The following CABIN1 variants were observed in gnomAD, a reference collection of about 807,000 sequenced individuals.
CABIN1 encodes calcineurin-binding protein cabin-1.
CABIN1 carries 133 observed loss-of-function variants against 227.7 expected under a neutral mutation model. That is an observed-to-expected ratio of 0.58 (90% CI 0.51 to 0.67). CABIN1 has a LOEUF of 0.67. CABIN1 is among the 30% of genes least tolerant of loss of function. CABIN1 has a pLI of 0.00. For synonymous variants in CABIN1, 1,086 were observed against 1,155.1 expected (o/e 0.94, Z 1.21); for missense variants, 2,408 against 2,852.5 (o/e 0.84, Z 3.55).
At chr22:24,028,969 A>G (rs2036297374) in intron 1 of CABIN1, among the ~76,000 whole-genome samples, 1 of 152,168 alleles carries the variant, frequency 6.6e-6, no homozygotes, top group Non-Finnish European at 1.5e-5. Context: ...AGAAAGAACC[A>G]TCTCTTGCTG....
intron 24 of CABIN1, 114 bp from the exon 25 acceptor site, chr22:24,095,817 G>A: frequency 9.1e-7 from 1 of 1,096,338 alleles, no homozygotes; most frequent in South Asian, 1.2e-5. Context: ...AACAAGCAGT[G>A]TGTGGCAGCC....
chr22:24,045,606 T>C (rs1427246258), intron 6 of CABIN1, among the ~76,000 whole-genome samples: 1 of 147,924 alleles, frequency 6.8e-6, no homozygotes, highest in Non-Finnish European at 1.5e-5. Context: ...AGACTCTGCC[T>C]CAAAAAAAAA....
chr22:24,166,883 A>G lies in CABIN1; in HGVS notation c.5252A>G (p.Glu1751Gly), dbSNP rs1281362935. ...ADQSGERKDKESPRAGPTEPM... is the reference protein window; with the variant it reads ...ADQSGERKDKGSPRAGPTEPM... Reference sequence around the variant, plus strand: ...CAAAGCGGGGAGCGGAAGGATAAAGAGAGCCCACGGGCAGGGCCCACTGAG... The same window carrying G: ...CAAAGCGGGGAGCGGAAGGATAAAGGGAGCCCACGGGCAGGGCCCACTGAG... Residue 1751 changes from glutamate to glycine, a missense_variant, in exon 32 of 37, where the codon GAG (glutamate) becomes GGG (glycine). Around this residue, in one of 3 missense-constraint regions of CABIN1, gnomAD observed 714 missense variants for 773.8 expected, o/e 0.92. Transcript: ENST00000263119. The G allele has an allele frequency of 4.3e-6, 7 of 1,611,022 alleles. No individual in the cohort carries two copies. The African/African-American group carries it at 5.3e-5, about 12-fold the overall frequency.
chr22:24,064,295 T>C (rs1176660324), intron 15 of CABIN1, 108 bp downstream of exon 15: 5 of 1,218,522 alleles, frequency 4.1e-6, no homozygotes, highest in African/African-American at 1.5e-5. Context: ...AACCTACACC[T>C]CTGGGGTTCA....
At chr22:24,176,624 T>G (rs1237099224) in intron 35 of CABIN1, among the ~76,000 whole-genome samples, 9 of 152,084 alleles carry the variant, frequency 5.9e-5, no homozygotes, top group East Asian at 1.9e-4. Context: ...GGAGTAGGCA[T>G]GGACAGGGCG....
At chr22:24,148,749 G>A (rs941746745) in intron 29 of CABIN1, among the ~76,000 whole-genome samples, 1 of 152,232 alleles carries the variant, frequency 6.6e-6, no homozygotes, top group African/African-American at 2.4e-5. Flanking sequence ...AGCTGTTCCA[G>A]CAGAGGCAGG....
At chr22:24,163,902 C>A (rs2046299242) in intron 29 of CABIN1, among the ~76,000 whole-genome samples, 1 of 152,168 alleles carries the variant, frequency 6.6e-6, no homozygotes, top group South Asian at 2.1e-4. Context: ...GGAGGGGGAC[C>A]CCAGGCATCC....
In CABIN1 at chr22:24,059,993, G is replaced by A. The variant is rs777119818; in HGVS notation, c.1469G>A (p.Arg490His). ...GGGGGCATCCTGGAGCTGATGATGC[G>A]CTACCTGAAAGCCATGGGCCACAAG... ...TNGGILELMM[R>H]YLKAMGHKFL... is the part of the protein sequence containing the mutation. The change falls in exon 12 of 37, where the codon CGC becomes CAC. Residue 490 changes from arginine to histidine, a missense_variant. This residue lies in a region of CABIN1 where 1,045 missense variants were observed against 1,168.4 expected (regional missense o/e 0.89). Coordinates refer to ENST00000263119, the MANE Select transcript of CABIN1 (RefSeq NM_012295.4). The A allele has an allele frequency of 1.3e-5, 21 of 1,614,062 alleles. No homozygotes were observed. The highest frequency in any genetic ancestry group is 9.9e-5 in the South Asian group (9 of 91,082).
At chr22:24,085,250 C>A in intron 22 of CABIN1, 99 bp downstream of exon 22, 3 of 1,295,932 alleles carry the variant, frequency 2.3e-6, no homozygotes, top group East Asian at 4.8e-5. Flanking sequence ...GTTTCCCTGT[C>A]CATTGCAAAG....
chr22:24,111,630 A>G (rs2042813504), intron 26 of CABIN1, among the ~76,000 whole-genome samples: 1 of 152,226 alleles, frequency 6.6e-6, no homozygotes, highest in East Asian at 1.9e-4. Context: ...CACAAAGCCT[A>G]TTTTATGATA....
chr22:24,080,132 A>G (rs1190663954), intron 19 of CABIN1, among the ~76,000 whole-genome samples: 1 of 152,188 alleles, frequency 6.6e-6, no homozygotes, highest in Non-Finnish European at 1.5e-5. Context: ...TAAGGCAGGA[A>G]TCCAATTTTA....
At chr22:24,164,700 T>C in intron 30 of CABIN1, 137 bp downstream of exon 30, 1 of 1,036,928 alleles carries the variant, frequency 9.6e-7, no homozygotes, top group Non-Finnish European at 1.4e-6. Context: ...TTCATTCTCC[T>C]TGGGGGCCTC....
chr22:24,156,206 C>CCTGGTGGGCT, intron 29 of CABIN1: 1 of 389,358 alleles, frequency 2.6e-6, no homozygotes, highest in Non-Finnish European at 4.6e-6. Flanking sequence ...TCAATCGTCC[C>CCTGGTGGGCT]CTGGTGGGCT....
At chr22:24,111,939 C>T (rs1481297774) in intron 26 of CABIN1, among the ~76,000 whole-genome samples, 1 of 152,172 alleles carries the variant, frequency 6.6e-6, no homozygotes, top group Non-Finnish European at 1.5e-5. Context: ...TTGCATTTGA[C>T]TCTTGCTTTT....
intron 28 of CABIN1, 29 bp downstream of exon 28, chr22:24,119,727 G>A: frequency 6.2e-7 from 1 of 1,601,222 alleles, no homozygotes; most frequent in Non-Finnish European, 8.6e-7. Context: ...AAGGGGGCTT[G>A]GATCTTCCCA....
At chr22:24,014,490 T>G (rs1263160288) in intron 1 of CABIN1, among the ~76,000 whole-genome samples, 1 of 152,116 alleles carries the variant, frequency 6.6e-6, no homozygotes, top group East Asian at 1.9e-4. Flanking sequence ...ATCTTGTGTT[T>G]TCTCTGACCC....
chr22:24,037,473 T>A (rs2037005457), intron 3 of CABIN1, among the ~76,000 whole-genome samples: 1 of 151,720 alleles, frequency 6.6e-6, no homozygotes, highest in South Asian at 2.1e-4. Context: ...CTCAGCTGAT[T>A]TTTAAATTTT....
At chr22:24,042,767 C>T (rs1254534724) in intron 5 of CABIN1, 137 bp from the exon 6 acceptor site, 1 of 772,274 alleles carries the variant, frequency 1.3e-6, no homozygotes, top group Non-Finnish European at 2.2e-6. Context: ...GTGGCTGTGC[C>T]AGTGCCGTGC....
intron 10 of CABIN1, 75 bp from the exon 11 acceptor site, chr22:24,059,152 C>T: frequency 1.9e-6 from 3 of 1,590,272 alleles, no homozygotes; most frequent in Non-Finnish European, 2.6e-6. Flanking sequence ...GATTTAGTTT[C>T]TCTAACAGGA....
Sources: allele counts gnomAD v4.1 joint callset (sites outside exome capture counted in the v4.1 genomes callset), GRCh38; gene constraint gnomAD v4.1.1; regional missense constraint gnomAD v4.1.1; transcripts MANE v1.5; gene names NCBI Gene and HGNC (gene_info 2026-07-23, HGNC 2026-07-21).